The following SGMS1 variants were observed in gnomAD, a reference collection of about 807,000 sequenced individuals.
SGMS1 encodes phosphatidylcholine:ceramide cholinephosphotransferase 1.
In SGMS1, 13 loss-of-function variants were observed where a neutral mutation model predicts 46.2. The observed-to-expected ratio is 0.28, with a 90% CI of 0.18 to 0.45. The LOEUF is 0.45. Among genes scored for constraint, SGMS1 ranks in the 20% least tolerant of loss-of-function variants. The pLI is 1.00. For missense variants in SGMS1, 324 were observed against 519.9 expected (o/e 0.62, Z 3.66); for synonymous variants, 203 against 187.8 (o/e 1.08, Z -0.66).
chr10:50,468,535 G>A (rs548906588), intron 3 of SGMS1, among the ~76,000 whole-genome samples: 4 of 152,304 alleles, frequency 2.6e-5, no homozygotes, highest in Admixed American at 2.0e-4. Context: ...TTTCTGACAC[G>A]TTAACTGGTT....
At chr10:50,404,791 TC>T (rs1265472771) in intron 6 of SGMS1, among the ~76,000 whole-genome samples, 1 of 150,858 alleles carries the variant, frequency 6.6e-6, no homozygotes, top group East Asian at 1.9e-4. Flanking sequence ...CTAAACACAA[TC>T]CCCCCAATGG....
intron 6 of SGMS1, among the ~76,000 whole-genome samples, chr10:50,412,936 T>C (rs1309318251): frequency 6.6e-6 from 1 of 152,240 alleles, no homozygotes; most frequent in Non-Finnish European, 1.5e-5. Context: ...GTGATATCTG[T>C]AAAGACATTT....
intron 6 of SGMS1, among the ~76,000 whole-genome samples, chr10:50,373,439 T>C (rs780231547): frequency 1.5e-4 from 23 of 152,102 alleles, no homozygotes; most frequent in Non-Finnish European, 2.9e-4. Context: ...CCAAACCATT[T>C]GATGAAAAGT....
intron 6 of SGMS1, among the ~76,000 whole-genome samples, chr10:50,414,407 C>T (rs1244202648): frequency 6.6e-6 from 1 of 152,128 alleles, no homozygotes; most frequent in Non-Finnish European, 1.5e-5. Flanking sequence ...AACAACTAAC[C>T]TATTTACCAC....
At chr10:50,616,616 T>C (rs77957681) in intron 1 of SGMS1, among the ~76,000 whole-genome samples, 104 of 152,294 alleles carry the variant, frequency 6.8e-4, no homozygotes, top group African/African-American at 2.2e-3. Context: ...AACCAGGGCC[T>C]ACCAGGGGTG....
At chr10:50,316,474 G>A (rs1257834245) in intron 8 of SGMS1, among the ~76,000 whole-genome samples, 2 of 152,178 alleles carry the variant, frequency 1.3e-5, no homozygotes, top group Non-Finnish European at 2.9e-5. Flanking sequence ...CTTGTGCACA[G>A]CTTGGCCCTC....
chr10:50,500,329 T>G (rs1160103842), intron 3 of SGMS1, among the ~76,000 whole-genome samples: 1 of 152,214 alleles, frequency 6.6e-6, no homozygotes, highest in Non-Finnish European at 1.5e-5. Context: ...ATCAAATAGC[T>G]GCTGTTCTGT....
intron 1 of SGMS1, among the ~76,000 whole-genome samples, chr10:50,603,786 GT>G (rs1402104499): frequency 6.6e-6 from 1 of 152,174 alleles, no homozygotes; most frequent in African/African-American, 2.4e-5. Context: ...ACTTTCTAAT[GT>G]TATGTATCTT....
At chr10:50,616,871 A>G (rs1838803002) in intron 1 of SGMS1, among the ~76,000 whole-genome samples, 1 of 152,224 alleles carries the variant, frequency 6.6e-6, no homozygotes, top group South Asian at 2.1e-4. Context: ...AAGACAGAAA[A>G]TCTTACAATA....
intron 4 of SGMS1, among the ~76,000 whole-genome samples, chr10:50,464,988 G>A (rs1041593518): frequency 2.6e-5 from 4 of 152,152 alleles, no homozygotes; most frequent in Admixed American, 1.3e-4. Context: ...AGGCTGAAAC[G>A]AAAGCATTGG....
intron 6 of SGMS1, among the ~76,000 whole-genome samples, chr10:50,397,083 T>C (rs948189547): frequency 6.6e-6 from 1 of 152,230 alleles, no homozygotes; most frequent in Admixed American, 6.5e-5. Flanking sequence ...TTCTTCTCTT[T>C]GCATGAGTAC....
At chr10:50,575,080 T>C (rs1838371786) in intron 2 of SGMS1, among the ~76,000 whole-genome samples, 1 of 150,352 alleles carries the variant, frequency 6.7e-6, no homozygotes, top group Admixed American at 6.7e-5. Flanking sequence ...AATAAGTCAG[T>C]CACAGAAGGA....
At chr10:50,561,230 T>G (rs533400051) in intron 2 of SGMS1, among the ~76,000 whole-genome samples, 1 of 152,358 alleles carries the variant, frequency 6.6e-6, no homozygotes, top group Admixed American at 6.5e-5. Context: ...TTACCGTGTT[T>G]TGGGCACCAG....
At chr10:50,478,190 A>G (rs1457176460) in intron 3 of SGMS1, among the ~76,000 whole-genome samples, 1 of 152,224 alleles carries the variant, frequency 6.6e-6, no homozygotes, top group Non-Finnish European at 1.5e-5. Context: ...CATGTAGAAG[A>G]TGGTACATGT....
chr10:50,311,096 A>C (rs763256084), intron 9 of SGMS1, among the ~76,000 whole-genome samples, 166 bp downstream of exon 9: 4 of 152,190 alleles, frequency 2.6e-5, no homozygotes, highest in Non-Finnish European at 5.9e-5. Context: ...GTCCTTCCAC[A>C]TATTTCCCTG....
chr10:50,619,329 T>C (rs557597610), intron 1 of SGMS1, among the ~76,000 whole-genome samples: 64 of 152,192 alleles, frequency 4.2e-4, no homozygotes, highest in African/African-American at 1.3e-3. Flanking sequence ...ACAAATAAAA[T>C]GTTAAGGTTC....
intron 6 of SGMS1, among the ~76,000 whole-genome samples, chr10:50,414,443 A>G (rs1324104633): frequency 6.6e-6 from 1 of 152,192 alleles, no homozygotes; most frequent in Non-Finnish European, 1.5e-5. Context: ...TTAAACACAA[A>G]CCCAGAAATG....
chr10:50,354,478 C>G (rs1848098464), intron 6 of SGMS1, among the ~76,000 whole-genome samples: 1 of 152,020 alleles, frequency 6.6e-6, no homozygotes, highest in South Asian at 2.1e-4. Context: ...GACCTAAAAC[C>G]ATAAAAACCC....
intron 7 of SGMS1, chr10:50,335,562 G>C (rs145406407): frequency 2.0e-5 from 3 of 152,374 alleles, no homozygotes; most frequent in African/African-American, 4.8e-5. Flanking sequence ...ATCTTCCAGT[G>C]TAAGACTGAG....
Sources: gnomAD v4.1 joint callset for allele counts (sites outside exome capture counted in the v4.1 genomes callset) on GRCh38, gnomAD v4.1.1 for gene constraint, MANE v1.5 for transcripts, NCBI Gene and HGNC (gene_info 2026-07-23, HGNC 2026-07-21) for gene names.